Variants in CAPZB observed in about 807,000 individuals in gnomAD.
CAPZB encodes the protein F-actin-capping protein subunit beta.
A neutral mutation model predicts 38.1 loss-of-function variants in CAPZB; 2 were observed. The ratio of observed to expected loss-of-function variants is 0.05; its 90% CI spans 0.02 to 0.17. The LOEUF is 0.17. CAPZB is among the 10% of genes least tolerant of loss of function. The probability of loss-of-function intolerance (pLI) is 1.00; values close to 1 mark genes in which losing one functional copy is unlikely to be tolerated. For synonymous variants in CAPZB, 107 were observed against 127.4 expected (o/e 0.84, Z 1.08); for missense variants, 161 against 334.2 (o/e 0.48, Z 4.04).
intron 1 of CAPZB, among the ~76,000 whole-genome samples, chr1:19,433,137 C>T (rs1425291513): frequency 6.6e-6 from 1 of 152,214 alleles, no homozygotes; most frequent in African/African-American, 2.4e-5. Context: ...GCTGCCTCCA[C>T]ATGATCCTGG....
At chr1:19,374,378 T>G (rs1168758304) in intron 4 of CAPZB, 1 of 152,166 alleles carries the variant, frequency 6.6e-6, no homozygotes, top group African/African-American at 2.4e-5. Context: ...TTCGATGGGG[T>G]TGGTGGTCAT....
intron 1 of CAPZB, among the ~76,000 whole-genome samples, chr1:19,479,520 A>G (rs1052735850): frequency 6.6e-6 from 1 of 152,166 alleles, no homozygotes; most frequent in Non-Finnish European, 1.5e-5. Flanking sequence ...GAACACCTAC[A>G]TGGGACAGCT....
intron 1 of CAPZB, among the ~76,000 whole-genome samples, chr1:19,425,868 C>T (rs2094420608): frequency 6.6e-6 from 1 of 152,192 alleles, no homozygotes; most frequent in Non-Finnish European, 1.5e-5. Flanking sequence ...TAACCAGTAC[C>T]TACACTCCAA....
rs538249480 is a variant in CAPZB at position 19,341,948 on chromosome 1, T to C, written c.732-2331A>G. Reference sequence around the variant, plus strand: ...CTGGACCTGGGCTCTGCAGCCCCAGTTGGCAGGGTTCCAAATGCCTTCTTT... The same window carrying C: ...CTGGACCTGGGCTCTGCAGCCCCAGCTGGCAGGGTTCCAAATGCCTTCTTT... On this transcript the variant is annotated intron_variant, in intron 8 of 8. Transcript: ENST00000264202. Among the ~76,000 whole-genome samples, 9 of 152,332 alleles carry C rather than the reference T, an allele frequency of 5.9e-5. No individual in the cohort carries two copies. In the South Asian group the frequency reaches 1.4e-3, roughly 25 times the overall value.
intron 2 of CAPZB, among the ~76,000 whole-genome samples, chr1:19,416,050 G>A (rs1421037183): frequency 6.6e-6 from 1 of 152,248 alleles, no homozygotes; most frequent in Middle Eastern, 3.2e-3. Context: ...CCTCCACACA[G>A]CCGGTGAAGG....
chr1:19,414,228 C>T (rs574323326), intron 2 of CAPZB, among the ~76,000 whole-genome samples: 88 of 152,262 alleles, frequency 5.8e-4, no homozygotes, highest in Admixed American at 1.4e-3. Context: ...ATGGGGGTGG[C>T]GATGCGGGGG....
At chr1:19,390,202 G>A (rs901525420) in intron 2 of CAPZB, among the ~76,000 whole-genome samples, 3 of 152,238 alleles carry the variant, frequency 2.0e-5, no homozygotes, top group Non-Finnish European at 2.9e-5. Flanking sequence ...GCTTAGAGCA[G>A]TGGAAGAAAT....
intron 1 of CAPZB, among the ~76,000 whole-genome samples, chr1:19,477,196 A>ATG (rs775355224): frequency 6.6e-6 from 1 of 152,200 alleles, no homozygotes; most frequent in Non-Finnish European, 1.5e-5. Context: ...ATTTCATGGC[A>ATG]TCCCCTGATG....
chr1:19,405,434 G>A (rs1329697976), intron 2 of CAPZB, among the ~76,000 whole-genome samples: 2 of 149,516 alleles, frequency 1.3e-5, no homozygotes, highest in Admixed American at 1.4e-4. Flanking sequence ...GAAGGTCAAT[G>A]AGACAGGAAA....
intron 2 of CAPZB, among the ~76,000 whole-genome samples, chr1:19,395,769 A>C (rs764702886): frequency 1.3e-5 from 2 of 152,166 alleles, no homozygotes; most frequent in Non-Finnish European, 2.9e-5. Flanking sequence ...GGCTGCTTTT[A>C]ATTAAGGACT....
chr1:19,451,497 T>G (rs187654679), intron 1 of CAPZB, among the ~76,000 whole-genome samples: 11 of 152,078 alleles, frequency 7.2e-5, no homozygotes, highest in Admixed American at 7.2e-4. Context: ...CGGTAATGGG[T>G]AAGATAATAT....
chr1:19,383,941 T>G (rs1043675508), intron 3 of CAPZB, among the ~76,000 whole-genome samples: 1 of 152,048 alleles, frequency 6.6e-6, no homozygotes, highest in African/African-American at 2.4e-5. Flanking sequence ...ACCTCAAATC[T>G]CACCACTTCT....
At chr1:19,396,041 C>A (rs1159005824) in intron 2 of CAPZB, among the ~76,000 whole-genome samples, 2 of 152,242 alleles carry the variant, frequency 1.3e-5, no homozygotes, top group Admixed American at 6.5e-5. Flanking sequence ...CCTTCAGGGT[C>A]TGATTCGGCC....
chr1:19,429,677 A>G (rs1316491876), intron 1 of CAPZB, among the ~76,000 whole-genome samples: 1 of 152,210 alleles, frequency 6.6e-6, no homozygotes, highest in African/African-American at 2.4e-5. Flanking sequence ...GGACTTTTAC[A>G]TAACATTTTT....
intron 4 of CAPZB, among the ~76,000 whole-genome samples, chr1:19,362,090 G>A (rs2094056072): frequency 6.6e-6 from 1 of 152,192 alleles, no homozygotes; most frequent in Non-Finnish European, 1.5e-5. Flanking sequence ...ATGGGCCCAG[G>A]ACTCACTACC....
rs1272113769 is a variant in CAPZB at position 19,455,583 on chromosome 1, C to G, written c.3+29853G>C. 3.9e-5 allele frequency among the ~76,000 whole-genome samples: 6 copies of G among 152,284 alleles called. No individual in the cohort carries two copies. The East Asian group carries it at 7.7e-4, about 20-fold the overall frequency. On this transcript the variant is annotated intron_variant, in intron 1 of 8. Transcript: ENST00000264202. The stretch of plus-strand genomic sequence containing the variant: ...AAGTGCCCTCCAATCCGTCACAGTC[C>G]CTGCCGCATCTTGGGTCTCTTGACC...
intron 2 of CAPZB, 43 bp downstream of exon 2, chr1:19,419,618 T>C: frequency 8.6e-7 from 1 of 1,168,908 alleles, no homozygotes; most frequent in Non-Finnish European, 1.3e-6. Flanking sequence ...CAACTAACTC[T>C]TAGCCGCAGT....
intron 2 of CAPZB, among the ~76,000 whole-genome samples, chr1:19,398,987 G>A (rs920934943): frequency 3.3e-5 from 5 of 151,718 alleles, no homozygotes; most frequent in African/African-American, 1.2e-4. Context: ...CTCCCGAGTA[G>A]CTGGGACTAC....
intron 1 of CAPZB, among the ~76,000 whole-genome samples, chr1:19,469,582 G>C (rs1250851508): frequency 2.6e-5 from 4 of 152,060 alleles, no homozygotes; most frequent in Non-Finnish European, 5.9e-5. Flanking sequence ...AGTCAGCTCA[G>C]AGGGCTCTGG....
Sources: gnomAD v4.1 joint callset for allele counts (sites outside exome capture counted in the v4.1 genomes callset) on GRCh38, gnomAD v4.1.1 for gene constraint, MANE v1.5 for transcripts, NCBI Gene and HGNC (gene_info 2026-07-23, HGNC 2026-07-21) for gene names.